Variants in NEBL observed in about 807,000 individuals in gnomAD.
NEBL encodes nebulette.
NEBL carries 122 observed loss-of-function variants against 140.2 expected under a neutral mutation model. That is an observed-to-expected ratio of 0.87 (90% CI 0.75 to 1.01). The LOEUF is 1.01. Ranked by LOEUF, NEBL falls within the 50% of genes least tolerant of loss-of-function variation. The pLI is 0.00. For synonymous variants in NEBL, 436 were observed against 398.9 expected (o/e 1.09, Z -1.11); for missense variants, 1,365 against 1,231.3 (o/e 1.11, Z -1.62).
chr10:21,172,506 TA>T, intron 1 of NEBL: 3 of 1,518,198 alleles, frequency 2.0e-6, no homozygotes. Flanking sequence ...CATTTAAAAA[TA>T]CAGTACAATG....
At chr10:21,004,805 G>C (rs754493280) in intron 3 of NEBL, among the ~76,000 whole-genome samples, 6 of 152,158 alleles carry the variant, frequency 3.9e-5, no homozygotes, top group Non-Finnish European at 7.4e-5. Flanking sequence ...CCATGAATGA[G>C]CATTCTCACC....
In NEBL at chr10:20,889,862, C is replaced by A. The variant is rs369862013; in HGVS notation, c.241G>T (p.Gly81Cys). ...TACCTTACCTCAGAAATAAAAGCAC[C>A]GATATTTTTTACATGGTTTAGCATA... is the stretch of plus-strand genomic sequence containing the variant. ...SPMLNHVKNIGAFISEAKYKG... is the reference protein window; with the variant it reads ...SPMLNHVKNICAFISEAKYKG... The change falls in exon 3 of 28, where the codon GGT (glycine) becomes TGT (cysteine). Residue 81 changes from glycine to cysteine, a missense_variant. Around this residue, in one of 2 missense-constraint regions of NEBL, gnomAD observed 1,323 missense variants for 1,154.8 expected, o/e 1.15. Transcript: ENST00000377122. 7 of 1,610,266 alleles carry A rather than the reference C, an allele frequency of 4.3e-6. No individual in the cohort carries two copies. In the South Asian group the frequency reaches 6.6e-5, roughly 15 times the overall value.
chr10:21,004,402 T>C (rs1838032817), intron 3 of NEBL, among the ~76,000 whole-genome samples: 1 of 152,076 alleles, frequency 6.6e-6, no homozygotes, highest in Non-Finnish European at 1.5e-5. Flanking sequence ...ATGGAACTGG[T>C]TCTCAAATAT....
At chr10:20,956,606 T>C (rs562605440) in intron 4 of NEBL, among the ~76,000 whole-genome samples, 1 of 152,164 alleles carries the variant, frequency 6.6e-6, no homozygotes, top group Non-Finnish European at 1.5e-5. Context: ...ATAACATTCA[T>C]TCTCCCTTCA....
intron 4 of NEBL, among the ~76,000 whole-genome samples, chr10:20,936,387 T>G (rs1488015820): frequency 1.3e-5 from 2 of 152,218 alleles, no homozygotes; most frequent in Non-Finnish European, 2.9e-5. Flanking sequence ...ATCAGCTGTT[T>G]ATGCCTAACA....
intron 4 of NEBL, among the ~76,000 whole-genome samples, chr10:20,944,725 A>G (rs950242243): frequency 6.6e-6 from 1 of 152,214 alleles, no homozygotes; most frequent in Non-Finnish European, 1.5e-5. Context: ...TTTGCTCAAC[A>G]TTTGTCATTC....
intron 4 of NEBL, among the ~76,000 whole-genome samples, chr10:20,912,627 G>A (rs2131468352): frequency 6.6e-6 from 1 of 152,174 alleles, no homozygotes; most frequent in East Asian, 1.9e-4. Context: ...TCATTTTGCA[G>A]ACCTGATATC....
chr10:21,082,145 A>C (rs957296260), intron 2 of NEBL, among the ~76,000 whole-genome samples: 15 of 152,310 alleles, frequency 9.8e-5, no homozygotes, highest in South Asian at 8.3e-4. Context: ...GAGGAACTTA[A>C]CTGGGCTTCA....
At chr10:20,816,668 C>G (rs1193986236) in intron 21 of NEBL, among the ~76,000 whole-genome samples, 5 of 152,142 alleles carry the variant, frequency 3.3e-5, no homozygotes, top group Non-Finnish European at 7.4e-5. Flanking sequence ...TTCCAAGTTT[C>G]CTCTTCCAAA....
At chr10:21,040,082 G>T (rs1327590883) in intron 2 of NEBL, among the ~76,000 whole-genome samples, 1 of 152,176 alleles carries the variant, frequency 6.6e-6, no homozygotes, top group Non-Finnish European at 1.5e-5. Context: ...AAGAAAGAGG[G>T]TTTAACTGGG....
chr10:21,091,774 C>T (rs1003182146), intron 2 of NEBL, among the ~76,000 whole-genome samples: 3 of 152,166 alleles, frequency 2.0e-5, no homozygotes, highest in South Asian at 2.1e-4. Context: ...TACAGATGCA[C>T]GCAACTACAC....
chr10:21,285,129 T>C (rs909200750), intron 1 of NEBL, among the ~76,000 whole-genome samples: 15 of 152,176 alleles, frequency 9.9e-5, no homozygotes, highest in Non-Finnish European at 1.8e-4. Flanking sequence ...GTTTGCATTG[T>C]GGAAAGGACT....
chr10:21,009,481 C>T (rs1462298399), intron 3 of NEBL, among the ~76,000 whole-genome samples: 1 of 152,142 alleles, frequency 6.6e-6, no homozygotes, highest in Non-Finnish European at 1.5e-5. Flanking sequence ...ATTTGTGTTG[C>T]CTTAATTTCT....
intron 2 of NEBL, among the ~76,000 whole-genome samples, chr10:21,140,931 A>G (rs988866712): frequency 6.6e-6 from 1 of 152,108 alleles, no homozygotes; most frequent in African/African-American, 2.4e-5. Context: ...CATGTTCTGC[A>G]CATGTTTCCC....
chr10:20,985,212 G>C (rs189016496), intron 3 of NEBL, among the ~76,000 whole-genome samples: 15 of 152,192 alleles, frequency 9.9e-5, no homozygotes, highest in African/African-American at 3.6e-4. Flanking sequence ...CACAAAATTG[G>C]TCCCTGGTGC....
rs141336123 is a variant in NEBL at position 21,260,037 on chromosome 10, T to C, written n.183-8209A>G. ...AGTCCTTGGCAATATTATTGAACCA[T>C]TGGATCCAACCAACCCAGTCCTGCC... is the stretch of plus-strand genomic sequence containing the variant. On this transcript the variant is annotated intron_variant and non_coding_transcript_variant, in intron 1 of 8. Transcript: ENST00000675702. Among the ~76,000 whole-genome samples, 226 of 152,304 alleles carry C rather than the reference T, an allele frequency of 1.5e-3. 2 individuals are homozygous for C. Among genetic ancestry groups the C allele is most frequent in the South Asian group, 2.7e-3 (13 of 4,824 alleles).
rs1834967596 is a variant in NEBL at position 20,780,596 on chromosome 10, A to G, written c.*5151T>C. 6.6e-6 allele frequency: 1 copy of G among 152,244 alleles called. No individual in the cohort carries two copies. The highest frequency in any genetic ancestry group is 2.1e-4 in the South Asian group (1 of 4,836). 9.4% of individuals were successfully genotyped at this position (152,244 alleles called of 1,614,324 possible). A position where few individuals can be genotyped will look rare whatever the true frequency, so the allele number is the denominator to read the frequency against. On this transcript the variant is annotated 3_prime_UTR_variant, in exon 28 of 28. Coordinates refer to ENST00000377122, the MANE Select transcript of NEBL (RefSeq NM_006393.3). ...GTGCATTGCTTGCATCTAACAACCC[A>G]TGCTCCAAGAAACCACGGTGAGAGC...
At position 21,090,659 on chromosome 10, in the gene NEBL, T is replaced by C. The variant is rs1443547737; in HGVS notation, c.165-70458A>G. Among the ~76,000 whole-genome samples, 3 of 152,348 alleles carry C rather than the reference T, an allele frequency of 2.0e-5. No individual in the cohort carries two copies. The East Asian group carries it at 5.8e-4, about 29-fold the overall frequency. ...TTGGTACTTATCCAACTCACTGACC[T>C]GTGTCACACAACATCACTTGGAGCC... On this transcript the variant is annotated intron_variant, in intron 2 of 6. Coordinates refer to the NEBL transcript ENST00000417816.
chr10:20,860,557 A>G (rs1303294739), intron 7 of NEBL, among the ~76,000 whole-genome samples: 1 of 118,072 alleles, frequency 8.5e-6, no homozygotes, highest in Non-Finnish European at 1.8e-5. Context: ...ACACAAGTTC[A>G]CTACAAAAAG....
Sources: allele counts gnomAD v4.1 joint callset (sites outside exome capture counted in the v4.1 genomes callset), GRCh38; gene constraint gnomAD v4.1.1; regional missense constraint gnomAD v4.1.1; transcripts MANE v1.5; gene names NCBI Gene and HGNC (gene_info 2026-07-23, HGNC 2026-07-21).